TNN: variants seen among roughly 807,000 people sequenced by gnomAD.
The protein encoded by TNN is tenascin-N.
Under a neutral mutation model 134.4 loss-of-function variants are expected in TNN, and 122 were observed. The observed-to-expected ratio is 0.91, with a 90% CI of 0.78 to 1.06. TNN has a LOEUF of 1.06. TNN is among the 50% of genes least tolerant of loss of function. The probability of loss-of-function intolerance (pLI) is 0.00; values close to 1 mark genes in which losing one functional copy is unlikely to be tolerated. For synonymous variants in TNN, 710 were observed against 670.3 expected (o/e 1.06, Z -0.91); for missense variants, 1,739 against 1,699.4 (o/e 1.02, Z -0.41).
rs1675439030 is a variant in TNN, at chr1:175,123,672, A to AG, written c.2914+12dup. 6.2e-7 allele frequency: 1 copy of AG among 1,613,974 alleles called. No individual in the cohort carries two copies. Reference sequence around the variant, plus strand: ...CACCAAGGCCCAGACAGGTACTGAGAGGGACCAGGCCAGGGGAACACCTCA... The same window carrying AG: ...CACCAAGGCCCAGACAGGTACTGAGAGGGGACCAGGCCAGGGGAACACCTCA... On this transcript the variant is annotated intron_variant, in intron 12 of 18. Coordinates refer to ENST00000239462, the MANE Select transcript of TNN (RefSeq NM_022093.2).
intron 9 of TNN, among the ~76,000 whole-genome samples, chr1:175,113,103 G>A (rs1675078850): frequency 6.6e-6 from 1 of 152,124 alleles, no homozygotes; most frequent in Admixed American, 6.5e-5. Context: ...GTAGTACTGA[G>A]GCTTGATCCT....
chr1:175,143,531 G>GTGTT (rs71959087), intron 17 of TNN, among the ~76,000 whole-genome samples: 13,941 of 152,002 alleles, frequency 0.092, 927 homozygotes, highest in East Asian at 0.25. Context: ...GTGTGTGTGT[G>GTGTT]TGTGTGTTAG....
chr1:175,097,595 C>A lies in TNN; in HGVS notation c.1767C>A (p.Gly589=). 1 of 1,614,158 alleles carries A rather than the reference C, an allele frequency of 6.2e-7. No homozygotes were observed. ...GKEQSSTVLT[G]LRPGVEYTVH... ...AGCAGAGCAGCACTGTCCTGACAGGCCTGAGGCCAGGTGTGGAGTACACAG... is the reference window on the plus strand; with the variant it reads ...AGCAGAGCAGCACTGTCCTGACAGGACTGAGGCCAGGTGTGGAGTACACAG... Residue 589 remains glycine (G), a synonymous_variant, in exon 8 of 19, where the codon GGC becomes GGA. Transcript: ENST00000239462.
At chr1:175,085,352 G>GGA (rs2149429041) in intron 5 of TNN, 53 bp from the exon 6 acceptor site, 2 of 1,125,228 alleles carry the variant, frequency 1.8e-6, no homozygotes, top group East Asian at 4.8e-5. Context: ...GTAGTGCTGG[G>GGA]GAGAGGGGTC....
In TNN at chr1:175,125,703, CTCTTTCTTTCTTTCTTTCTTTCTT is replaced by C. The variant is rs1173340653; in HGVS notation, c.2915-1220_2915-1197del. 1.2e-3 allele frequency among the ~76,000 whole-genome samples: 80 copies of C among 66,432 alleles called. 1 individual carries two copies. Among genetic ancestry groups the C allele is most frequent in the Admixed American group, 2.7e-3 (16 of 6,016 alleles). 43.6% of individuals were successfully genotyped at this position (66,432 alleles called of 152,430 possible). ...CCTCCTTTCTTTCTCTCTTTTTTCTCTCTTTCTTTCTTTCTTTCTTTCTTTCTTTCTTTCTTTCTTTCTTTCTTT... is the reference window on the plus strand; with the variant it reads ...CCTCCTTTCTTTCTCTCTTTTTTCTCTCTTTCTTTCTTTCTTTCTTTCTTT... On this transcript the variant is annotated intron_variant, in intron 12 of 18. Transcript: ENST00000239462.
At chr1:175,130,323 A>G (rs1348782460) in intron 15 of TNN, among the ~76,000 whole-genome samples, 1 of 152,248 alleles carries the variant, frequency 6.6e-6, no homozygotes, top group Non-Finnish European at 1.5e-5. Context: ...AAGAAAACTT[A>G]TTATCTGCAC....
rs973180343 is a variant in TNN, at chr1:175,127,966, A to G, written c.3046-66A>G. 6.9e-6 allele frequency: 11 copies of G among 1,586,102 alleles called. No individual in the cohort carries two copies. The African/African-American group carries it at 1.3e-4, about 19-fold the overall frequency. On this transcript the variant is annotated intron_variant, in intron 13 of 18. Transcript: ENST00000239462. ...TCATTAGCACCAGGGAACGCTGTTG[A>G]CACCTAGGGTGCTAGTGGGTGATAA...
intron 10 of TNN, among the ~76,000 whole-genome samples, 177 bp from the exon 11 acceptor site, chr1:175,118,384 C>T (rs1005395947): frequency 6.6e-6 from 1 of 151,992 alleles, no homozygotes. Flanking sequence ...ACTTGAGGAG[C>T]CAGGTATATC....
intron 9 of TNN, among the ~76,000 whole-genome samples, chr1:175,115,438 A>G (rs953069768): frequency 1.3e-5 from 2 of 152,190 alleles, no homozygotes; most frequent in Non-Finnish European, 2.9e-5. Flanking sequence ...ATTCTCCACG[A>G]AAGAGCGTGC....
At chr1:175,143,873 C>T (rs1003259175) in intron 17 of TNN, among the ~76,000 whole-genome samples, 2 of 152,200 alleles carry the variant, frequency 1.3e-5, no homozygotes, top group Non-Finnish European at 2.9e-5. Context: ...TTTGTTAACA[C>T]AGACCCAGGA....
At position 175,077,714 on chromosome 1, in the gene TNN, G is replaced by A. The variant is rs776092604; in HGVS notation, c.296G>A (p.Cys99Tyr). 12 of 1,614,250 alleles carry A rather than the reference G, an allele frequency of 7.4e-6. No homozygotes were observed. Among genetic ancestry groups the A allele is most frequent in the Non-Finnish European group, 9.3e-6 (11 of 1,180,040 alleles). Reference protein sequence around the residue: ...NIRLQTPQKDCELAGSVQDLL... With the variant: ...NIRLQTPQKDYELAGSVQDLL... ...CGCCTTCAGACGCCACAGAAGGACT[G>A]CGAGTTGGCAGGCAGTGTCCAGGAC... Residue 99 changes from cysteine to tyrosine, a missense_variant, in exon 2 of 19, where the codon TGC (cysteine) becomes TAC (tyrosine). Physicochemically the swap from Cys to Tyr is radical, Grantham distance 194. Transcript: ENST00000239462.
chr1:175,120,807 A>AT (rs1206466838), intron 11 of TNN, among the ~76,000 whole-genome samples: 1 of 152,146 alleles, frequency 6.6e-6, no homozygotes, highest in African/African-American at 2.4e-5. Flanking sequence ...TTTTATTTTT[A>AT]TTTTATTTTC....
Position 175,098,486 on chromosome 1 carries a change from G to C in TNN, c.2010G>C (p.Gln670His), listed in dbSNP as rs777973195. 1.8e-5 allele frequency: 29 copies of C among 1,614,060 alleles called. No individual in the cohort carries two copies. Among genetic ancestry groups the C allele is most frequent in the Admixed American group, 3.3e-5 (2 of 60,006 alleles). ...GGGAGGTTCCGGTGGGGAAGGAGCA[G>C]AGCAGCACAGTCCTGACAGGCCTGA... ...ETREVPVGKE[Q>H]SSTVLTGLRP... Residue 670 changes from glutamine to histidine, a missense_variant, in exon 9 of 19, where the codon CAG (glutamine) becomes CAC (histidine). Physicochemically the swap from Gln to His is conservative, Grantham distance 24 (BLOSUM62 0). Coordinates refer to ENST00000239462, the MANE Select transcript of TNN (RefSeq NM_022093.2).
chr1:175,143,982 T>C (rs10489328), intron 17 of TNN, among the ~76,000 whole-genome samples: 1 of 151,634 alleles, frequency 6.6e-6, no homozygotes, highest in African/African-American at 2.4e-5. Context: ...TGAAGGGATT[T>C]CCAAACATGG....
chr1:175,105,372 G>A (rs1187146565), intron 9 of TNN, among the ~76,000 whole-genome samples: 1 of 145,458 alleles, frequency 6.9e-6, no homozygotes, highest in African/African-American at 2.5e-5. Flanking sequence ...GGTTTTTGTG[G>A]ACCTTTGGAG....
At chr1:175,140,943 G>A (rs1675931643) in intron 17 of TNN, among the ~76,000 whole-genome samples, 1 of 152,118 alleles carries the variant, frequency 6.6e-6, no homozygotes, top group South Asian at 2.1e-4. Flanking sequence ...CAAATGGAAG[G>A]TGAATATTTT....
chr1:175,097,336 T>C (rs1401220406), intron 7 of TNN, 81 bp from the exon 8 acceptor site: 3 of 1,544,300 alleles, frequency 1.9e-6, no homozygotes, highest in Non-Finnish European at 2.6e-6. Context: ...GTTGAGGTTA[T>C]CACTTTGACT....
chr1:175,080,262 A>G lies in TNN; in HGVS notation c.884A>G (p.Tyr295Cys), dbSNP rs2149427348. 1 of 1,614,074 alleles carries G rather than the reference A, an allele frequency of 6.2e-7. No homozygotes were observed. Among genetic ancestry groups the G allele is most frequent in the Non-Finnish European group, 8.5e-7 (1 of 1,179,976 alleles). Residue 295 changes from tyrosine (Y) to cysteine (C), a missense_variant, in exon 4 of 19, where the codon TAC becomes TGC. Physicochemically the swap from Tyr to Cys is radical, Grantham distance 194. Transcript: ENST00000239462. ...SSQVDHYLLS[Y>C]YPLGKELSGK... ...CAGGTGGATCACTACCTCCTCAGCTACTACCCCCTGGGGAAGGAGCTCTCT... is the reference window on the plus strand; with the variant it reads ...CAGGTGGATCACTACCTCCTCAGCTGCTACCCCCTGGGGAAGGAGCTCTCT...
At chr1:175,145,519 C>G (rs911934992) in intron 18 of TNN, among the ~76,000 whole-genome samples, 4 of 123,764 alleles carry the variant, frequency 3.2e-5, no homozygotes, top group African/African-American at 1.3e-4. Flanking sequence ...AGCCACTGCA[C>G]TCCAGCCTGG....
Sources: gnomAD v4.1 joint callset for allele counts (sites outside exome capture counted in the v4.1 genomes callset) on GRCh38, gnomAD v4.1.1 for gene constraint, MANE v1.5 for transcripts, NCBI Gene and HGNC (gene_info 2026-07-23, HGNC 2026-07-21) for gene names.